GRIA1: variants seen among roughly 807,000 people sequenced by gnomAD.
GRIA1 encodes the protein glutamate ionotropic receptor AMPA type subunit 1, also known as glutamate receptor 1.
Under a neutral mutation model 99.2 loss-of-function variants are expected in GRIA1, and 31 were observed. The observed-to-expected ratio is 0.31, with a 90% CI of 0.23 to 0.42. GRIA1 has a LOEUF of 0.42. Among genes scored for constraint, GRIA1 ranks in the 10% least tolerant of loss-of-function variants. The pLI, the probability that GRIA1 is intolerant of heterozygous loss-of-function variation, is 1.00. For synonymous variants in GRIA1, 438 were observed against 432.4 expected (o/e 1.01, Z -0.16); for missense variants, 782 against 1,157.5 (o/e 0.68, Z 4.71).
In GRIA1 at chr5:153,629,930, G is replaced by A. The variant is rs1392919285; in HGVS notation, c.221-16998G>A. ...TATACCACATACACTATGTTGAATT[G>A]ATAAATTTACTTATTCAGTGAATGT... On this transcript the variant is annotated intron_variant, in intron 2 of 15. Coordinates refer to ENST00000285900, the MANE Select transcript of GRIA1 (RefSeq NM_000827.4). Among the ~76,000 whole-genome samples the A allele has an allele frequency of 5.3e-5, 8 of 152,082 alleles. No homozygotes were observed. In the South Asian group the frequency reaches 6.2e-4, roughly 12 times the overall value.
intron 11 of GRIA1, among the ~76,000 whole-genome samples, chr5:153,755,849 G>A (rs1195181328): frequency 6.6e-6 from 1 of 152,162 alleles, no homozygotes; most frequent in Non-Finnish European, 1.5e-5. Context: ...ACCTAAGCAG[G>A]CTGTTTTAAG....
chr5:153,637,633 G>A (rs934482723), intron 2 of GRIA1, among the ~76,000 whole-genome samples: 2 of 152,120 alleles, frequency 1.3e-5, no homozygotes, highest in Non-Finnish European at 2.9e-5. Flanking sequence ...TCTTTCCTGG[G>A]GAGAAACGGC....
intron 13 of GRIA1, among the ~76,000 whole-genome samples, chr5:153,772,819 C>T (rs141990648): frequency 2.7e-3 from 407 of 152,292 alleles, no homozygotes; most frequent in Middle Eastern, 0.01. Flanking sequence ...GTTCCAGGAA[C>T]ATCAGTGATA....
chr5:153,520,978 C>T (rs1757084250), intron 2 of GRIA1, among the ~76,000 whole-genome samples: 2 of 152,148 alleles, frequency 1.3e-5, no homozygotes, highest in South Asian at 2.1e-4. Context: ...CCACCCTTAA[C>T]AAGCAGTGGA....
chr5:153,520,830 A>G (rs752366110), intron 2 of GRIA1, among the ~76,000 whole-genome samples: 1 of 152,224 alleles, frequency 6.6e-6, no homozygotes, highest in Non-Finnish European at 1.5e-5. Flanking sequence ...AATAGCTAAC[A>G]TCTATTGAGC....
intron 8 of GRIA1, among the ~76,000 whole-genome samples, chr5:153,696,232 T>C (rs1758086638): frequency 6.6e-6 from 1 of 152,182 alleles, no homozygotes; most frequent in Non-Finnish European, 1.5e-5. Context: ...AACTACCCAC[T>C]TCGCAGGTTT....
rs528276372 is a variant in GRIA1, at chr5:153,704,362, C to T, written c.1453-1335C>T. On this transcript the variant is annotated intron_variant, in intron 10 of 15. Transcript: ENST00000285900. ...GCTATGGCATCTCTCCATGGAAATC[C>T]TCTTAGGTTTCCAGGATCTCTTGAT... is the stretch of plus-strand genomic sequence containing the variant. 1.1e-3 allele frequency among the ~76,000 whole-genome samples: 161 copies of T among 152,328 alleles called. No individual in the cohort carries two copies. In the South Asian group the frequency reaches 0.019, roughly 18 times the overall value.
chr5:153,528,194 T>C (rs967649577), intron 2 of GRIA1, among the ~76,000 whole-genome samples: 1 of 152,212 alleles, frequency 6.6e-6, no homozygotes, highest in Non-Finnish European at 1.5e-5. Flanking sequence ...TATTTTATGT[T>C]TCTCAAATAA....
intron 2 of GRIA1, among the ~76,000 whole-genome samples, chr5:153,606,879 A>C (rs1400134963): frequency 9.6e-6 from 1 of 104,196 alleles, no homozygotes; most frequent in African/African-American, 3.2e-5. Flanking sequence ...GTACTTTAAG[A>C]TGTTTTTCAT....
intron 2 of GRIA1, among the ~76,000 whole-genome samples, chr5:153,529,074 C>A (rs1158212760): frequency 6.6e-6 from 1 of 152,234 alleles, no homozygotes; most frequent in East Asian, 1.9e-4. Flanking sequence ...GGTTTTCTCA[C>A]TAGGGTCATG....
intron 2 of GRIA1, among the ~76,000 whole-genome samples, chr5:153,555,955 A>T (rs943111137): frequency 1.3e-5 from 2 of 152,254 alleles, no homozygotes; most frequent in African/African-American, 4.8e-5. Context: ...TGATGAAGGC[A>T]TTTAGAGCAG....
intron 11 of GRIA1, among the ~76,000 whole-genome samples, chr5:153,759,464 A>G (rs1345451122): frequency 6.6e-6 from 1 of 151,970 alleles, no homozygotes; most frequent in African/African-American, 2.4e-5. Flanking sequence ...TAGGAAAAAA[A>G]TAAGTTCTTA....
At chr5:153,675,554 A>G (rs575048891) in intron 6 of GRIA1, among the ~76,000 whole-genome samples, 1 of 152,376 alleles carries the variant, frequency 6.6e-6, no homozygotes, top group East Asian at 1.9e-4. Flanking sequence ...TGAGAAGGAT[A>G]CTAAGGCCAA....
chr5:153,530,460 C>T (rs1413527634), intron 2 of GRIA1, among the ~76,000 whole-genome samples: 1 of 152,214 alleles, frequency 6.6e-6, no homozygotes, highest in East Asian at 1.9e-4. Flanking sequence ...TGCATGGGTT[C>T]ATCTTTTCTT....
intron 2 of GRIA1, among the ~76,000 whole-genome samples, chr5:153,562,949 G>A (rs529847121): frequency 9.2e-5 from 14 of 152,092 alleles, no homozygotes; most frequent in South Asian, 4.2e-4. Flanking sequence ...AGGCTGAGGC[G>A]TGTGGATCAC....
intron 8 of GRIA1, among the ~76,000 whole-genome samples, chr5:153,695,150 A>G (rs1248096575): frequency 6.6e-6 from 1 of 152,200 alleles, no homozygotes; most frequent in Non-Finnish European, 1.5e-5. Context: ...TTGTTTTGTT[A>G]GATCATTTAA....
chr5:153,527,739 C>T (rs1336015401), intron 2 of GRIA1, among the ~76,000 whole-genome samples: 1 of 152,168 alleles, frequency 6.6e-6, no homozygotes, highest in African/African-American at 2.4e-5. Context: ...TCTGCATAAG[C>T]ATCGTGTGTG....
At chr5:153,509,839 T>G (rs933568214) in intron 2 of GRIA1, among the ~76,000 whole-genome samples, 1 of 152,188 alleles carries the variant, frequency 6.6e-6, no homozygotes, top group Non-Finnish European at 1.5e-5. Flanking sequence ...CTATTATTGT[T>G]TGTTCAATTT....
intron 4 of GRIA1, 27 bp downstream of exon 4, chr5:153,650,541 T>G: frequency 6.2e-7 from 1 of 1,608,462 alleles, no homozygotes; most frequent in Non-Finnish European, 8.5e-7. Flanking sequence ...GGGCTCAGGG[T>G]GGGTGCGGGA....
Sources: gnomAD v4.1 joint callset for allele counts (sites outside exome capture counted in the v4.1 genomes callset) on GRCh38, gnomAD v4.1.1 for gene constraint, MANE v1.5 for transcripts, NCBI Gene and HGNC (gene_info 2026-07-23, HGNC 2026-07-21) for gene names.